The following PTPRJ variants were observed in gnomAD, a reference collection of about 807,000 sequenced individuals.
PTPRJ encodes receptor-type tyrosine-protein phosphatase eta.
PTPRJ carries 129 observed loss-of-function variants against 141.3 expected under a neutral mutation model. The ratio of observed to expected loss-of-function variants is 0.91; its 90% CI spans 0.79 to 1.06. The LOEUF is 1.06. PTPRJ is among the 50% of genes least tolerant of loss of function. PTPRJ has a pLI of 0.00. For synonymous variants in PTPRJ, 610 were observed against 640.5 expected (o/e 0.95, Z 0.72); for missense variants, 1,601 against 1,679.7 (o/e 0.95, Z 0.82).
At chr11:48,167,133 A>C in intron 24 of PTPRJ, 71 bp from the exon 25 acceptor site, 1 of 1,465,524 alleles carries the variant, frequency 6.8e-7, no homozygotes, top group Non-Finnish European at 9.4e-7. Flanking sequence ...GACCTGTTTG[A>C]AAATAATTTT....
chr11:48,050,367 C>T (rs537214693), intron 1 of PTPRJ, among the ~76,000 whole-genome samples: 1 of 152,262 alleles, frequency 6.6e-6, no homozygotes, highest in East Asian at 1.9e-4. Flanking sequence ...GCAACACCCC[C>T]ACCAGAGTGG....
At chr11:48,105,531 C>T (rs910957125) in intron 1 of PTPRJ, among the ~76,000 whole-genome samples, 4 of 152,192 alleles carry the variant, frequency 2.6e-5, no homozygotes, top group African/African-American at 4.8e-5. Context: ...TTGTTCGAGT[C>T]TCAGGACAAC....
intron 1 of PTPRJ, among the ~76,000 whole-genome samples, chr11:48,088,990 A>G (rs1028781680): frequency 1.3e-5 from 2 of 152,148 alleles, no homozygotes; most frequent in African/African-American, 4.8e-5. Context: ...CAGGTAACAC[A>G]CTTCTATCTC....
At position 47,980,617 on chromosome 11, in the gene PTPRJ, G is replaced by A. The variant is rs1009002045; in HGVS notation, c.-296G>A. The A allele has an allele frequency of 1.0e-6, 1 of 983,654 alleles. No individual in the cohort carries two copies. Among genetic ancestry groups the A allele is most frequent in the South Asian group, 4.7e-5 (1 of 21,300 alleles). 60.9% of individuals were successfully genotyped at this position (983,654 alleles called of 1,614,324 possible). ...GGGAGCAGCCGCGGGAGCCGGGACC[G>A]GGTAGCCGCGCGCTGGGGGTGGGCG... On this transcript the variant is annotated 5_prime_UTR_variant, in exon 1 of 25. Coordinates refer to ENST00000418331, the MANE Select transcript of PTPRJ (RefSeq NM_002843.4).
intron 21 of PTPRJ, among the ~76,000 whole-genome samples, chr11:48,156,749 A>G (rs775792579): frequency 1.8e-4 from 27 of 151,764 alleles, no homozygotes; most frequent in Non-Finnish European, 4.4e-5. Context: ...ACATGCCTGG[A>G]TAATTTTTTT....
intron 1 of PTPRJ, among the ~76,000 whole-genome samples, chr11:48,045,085 T>C (rs892276028): frequency 1.3e-5 from 2 of 152,222 alleles, no homozygotes; most frequent in Admixed American, 6.5e-5. Flanking sequence ...CCCGTAATTA[T>C]GGGATTTGGG....
Position 48,127,817 on chromosome 11 carries a change from C to T in PTPRJ, c.1131C>T (p.Ile377=), listed in dbSNP as rs1354288495. ...IQVFDVTAVN[I]SATSLTLIWK... is the part of the protein sequence containing the mutation. ...TTTTTGACGTCACCGCTGTGAACAT[C>T]AGTGCCACAAGCCTGACCCTGATCT... The change falls in exon 7 of 25, where the codon ATC becomes ATT. Residue 377 remains isoleucine (I), a synonymous_variant. Transcript: ENST00000418331. The T allele has an allele frequency of 1.2e-6, 2 of 1,614,096 alleles. No homozygotes were observed. The highest frequency in any genetic ancestry group is 1.7e-6 in the Non-Finnish European group (2 of 1,180,040).
intron 8 of PTPRJ, among the ~76,000 whole-genome samples, chr11:48,131,264 G>C (rs970627416): frequency 1.3e-5 from 2 of 151,578 alleles, no homozygotes; most frequent in Non-Finnish European, 1.5e-5. Context: ...TATAGTTTTA[G>C]TAGAGACAGG....
Position 48,098,647 on chromosome 11 carries a change from T to A in PTPRJ, c.97-11411T>A, listed in dbSNP as rs1162339621. 1.3e-4 allele frequency among the ~76,000 whole-genome samples: 8 copies of A among 59,512 alleles called. 2 individuals carry two copies. The highest frequency in any genetic ancestry group is 4.6e-4 in the Admixed American group (2 of 4,368). 39.0% of individuals were successfully genotyped at this position (59,512 alleles called of 152,430 possible). On this transcript the variant is annotated intron_variant, in intron 1 of 24. Coordinates refer to ENST00000418331, the MANE Select transcript of PTPRJ (RefSeq NM_002843.4). ...GCCATTCTCCTGCCTCAGCCTCCTG[T>A]GTAGCTGGGACTACAGGCACGCGCC... is the stretch of plus-strand genomic sequence containing the variant.
At chr11:47,994,078 C>G (rs1483131874) in intron 1 of PTPRJ, among the ~76,000 whole-genome samples, 1 of 151,254 alleles carries the variant, frequency 6.6e-6, no homozygotes, top group Non-Finnish European at 1.5e-5. Context: ...CCAGGCTGGT[C>G]GTGAACTCTT....
At chr11:48,071,204 G>A (rs959346909) in intron 1 of PTPRJ, among the ~76,000 whole-genome samples, 3 of 152,138 alleles carry the variant, frequency 2.0e-5, no homozygotes, top group Non-Finnish European at 4.4e-5. Flanking sequence ...GATATAATAA[G>A]CTCATAATAA....
intron 18 of PTPRJ, among the ~76,000 whole-genome samples, chr11:48,152,475 T>G (rs1422886600): frequency 6.6e-6 from 1 of 152,128 alleles, no homozygotes; most frequent in African/African-American, 2.4e-5. Flanking sequence ...GTCAATTTTG[T>G]CTTTTGTTGC....
chr11:48,008,725 C>T (rs1014958619), intron 1 of PTPRJ, among the ~76,000 whole-genome samples: 33 of 152,074 alleles, frequency 2.2e-4, no homozygotes, highest in Admixed American at 1.1e-3. Context: ...CCACCACGCC[C>T]GGCTAATTTT....
intron 6 of PTPRJ, among the ~76,000 whole-genome samples, chr11:48,125,729 A>C (rs1856814559): frequency 6.6e-6 from 1 of 152,194 alleles, no homozygotes; most frequent in Non-Finnish European, 1.5e-5. Flanking sequence ...ACATTTGGGA[A>C]TACTTAGAGG....
At chr11:48,066,753 T>C (rs1430740580) in intron 1 of PTPRJ, among the ~76,000 whole-genome samples, 2 of 151,936 alleles carry the variant, frequency 1.3e-5, no homozygotes, top group African/African-American at 4.8e-5. Flanking sequence ...GTCCAACTAA[T>C]TTTTTTATTT....
chr11:48,136,444 C>A, intron 9 of PTPRJ, 148 bp downstream of exon 9: 1 of 944,610 alleles, frequency 1.1e-6, no homozygotes, highest in Non-Finnish European at 1.6e-6. Context: ...AGCAATGGTT[C>A]TGCTGTCACC....
Position 48,148,936 on chromosome 11 carries a change from C to A in PTPRJ, c.3000-511C>A, listed in dbSNP as rs550952981. On this transcript the variant is annotated intron_variant, in intron 15 of 24. Coordinates refer to ENST00000418331, the MANE Select transcript of PTPRJ (RefSeq NM_002843.4). ...GGCAAGTGCTGGGTCAGTGGGTATG[C>A]GTGCTTTCAGTTTTGATACATACTG... Among the ~76,000 whole-genome samples the A allele has an allele frequency of 3.3e-5, 5 of 152,192 alleles. No homozygotes were observed. The East Asian group carries it at 9.6e-4, about 29-fold the overall frequency.
At chr11:48,131,184 G>A (rs1856974505) in intron 8 of PTPRJ, among the ~76,000 whole-genome samples, 1 of 146,208 alleles carries the variant, frequency 6.8e-6, no homozygotes, top group Non-Finnish European at 1.5e-5. Context: ...TTCAAGTGAA[G>A]CGATTCTTGT....
intron 1 of PTPRJ, among the ~76,000 whole-genome samples, chr11:48,026,511 C>T (rs978450970): frequency 2.7e-5 from 4 of 148,682 alleles, no homozygotes; most frequent in East Asian, 2.0e-4. Flanking sequence ...GACGGAGTTT[C>T]GCTCTTATTG....
Sources: allele counts gnomAD v4.1 joint callset (sites outside exome capture counted in the v4.1 genomes callset), GRCh38; gene constraint gnomAD v4.1.1; transcripts MANE v1.5; gene names NCBI Gene and HGNC (gene_info 2026-07-23, HGNC 2026-07-21).